MEF2A: variants seen among roughly 807,000 people sequenced by gnomAD.
MEF2A encodes myocyte enhancer factor 2A, also known as myocyte-specific enhancer factor 2A.
A neutral mutation model predicts 55.8 loss-of-function variants in MEF2A; 28 were observed. The ratio of observed to expected loss-of-function variants is 0.50; its 90% CI spans 0.37 to 0.69. MEF2A has a LOEUF of 0.69. MEF2A is among the 30% of genes least tolerant of loss of function. MEF2A has a pLI of 0.00. For missense variants in MEF2A, 528 were observed against 626.2 expected (o/e 0.84, Z 1.67); for synonymous variants, 239 against 227.1 (o/e 1.05, Z -0.47).
At position 99,712,313 on chromosome 15, in the gene MEF2A, C is replaced by T. The variant is rs987339512; in HGVS notation, c.1137-77C>T. On this transcript the variant is annotated intron_variant, in intron 11 of 11. Transcript: ENST00000557942. The surrounding 1 kb of genome is among the most constrained non-coding windows in gnomAD (Gnocchi z 4.1). ...AGACTCTGGGCCCTTTTCCATCAGG[C>T]AGTGTCTCTACTGTATCATCCCAGT... 4.1e-6 allele frequency: 6 copies of T among 1,446,484 alleles called. No individual in the cohort carries two copies. Among genetic ancestry groups the T allele is most frequent in the Admixed American group, 2.7e-5 (1 of 36,918 alleles). 89.6% of individuals were successfully genotyped at this position (1,446,484 alleles called of 1,614,324 possible).
chr15:99,687,084 C>CTTTTTTTTTTTT (rs71149484), intron 7 of MEF2A, among the ~76,000 whole-genome samples: 72 of 67,764 alleles, frequency 1.1e-3, no homozygotes, highest in African/African-American at 2.7e-3. Context: ...ATTAATTTTT[C>CTTTTTTTTTTTT]TTTTTTTTTT....
At chr15:99,618,239 T>G (rs12912791) in intron 2 of MEF2A, among the ~76,000 whole-genome samples, 2 of 152,154 alleles carry the variant, frequency 1.3e-5, no homozygotes, top group East Asian at 3.9e-4. Context: ...GAATCACTTG[T>G]GTAGTATTTT....
intron 2 of MEF2A, among the ~76,000 whole-genome samples, chr15:99,613,111 GTGTAA>G (rs1205558971): frequency 6.6e-6 from 1 of 152,178 alleles, no homozygotes; most frequent in Non-Finnish European, 1.5e-5. Flanking sequence ...TGAATAAAGA[GTGTAA>G]TATTGTAATA....
In MEF2A at chr15:99,684,485, A is replaced by T. The variant is rs545150960; in HGVS notation, c.671-5756A>T. On this transcript the variant is annotated intron_variant, in intron 7 of 11. Coordinates refer to ENST00000557942, the MANE Select transcript of MEF2A (RefSeq NM_001319206.4). ...ATTAGTGATGTTGAGCATTTTTCGT[A>T]TGTCTTTTGGCAATTTGTGTATCTG... 3.2e-3 allele frequency among the ~76,000 whole-genome samples: 493 copies of T among 152,222 alleles called. 1 individual carries two copies. The highest frequency in any genetic ancestry group is 4.5e-3 in the Admixed American group (69 of 15,296).
chr15:99,643,748 C>T (rs1288553017), intron 3 of MEF2A, among the ~76,000 whole-genome samples: 3 of 151,892 alleles, frequency 2.0e-5, no homozygotes, highest in East Asian at 1.9e-4. Context: ...CCCACCACCA[C>T]GCCCGGCTAA....
intron 4 of MEF2A, among the ~76,000 whole-genome samples, chr15:99,655,865 A>C (rs374944693): frequency 2.0e-5 from 3 of 152,250 alleles, no homozygotes; most frequent in African/African-American, 7.2e-5. Context: ...GTGTGTTATA[A>C]AACAGTTAGG....
At chr15:99,579,131 G>T (rs1173550986) in intron 1 of MEF2A, among the ~76,000 whole-genome samples, 1 of 152,072 alleles carries the variant, frequency 6.6e-6, no homozygotes, top group Non-Finnish European at 1.5e-5. Flanking sequence ...TACTAATGTT[G>T]TATTTTTTCC....
At position 99,597,206 on chromosome 15, in the gene MEF2A, G is replaced by A. The variant is rs188815791; in HGVS notation, c.-224-1224G>A. Among the ~76,000 whole-genome samples, 435 of 152,282 alleles carry A rather than the reference G, an allele frequency of 2.9e-3. 1 individual carries two copies. Among genetic ancestry groups the A allele is most frequent in the African/African-American group, 0.01 (417 of 41,570 alleles). On this transcript the variant is annotated intron_variant, in intron 1 of 11. Transcript: ENST00000557942. Reference sequence around the variant, plus strand: ...TTTCTCTTCTTTCAAAAGCAAATGGGAGAAATATCGCTGAATTCTTTTTCT... The same window carrying A: ...TTTCTCTTCTTTCAAAAGCAAATGGAAGAAATATCGCTGAATTCTTTTTCT...
chr15:99,603,050 T>G (rs1297799308), intron 2 of MEF2A, among the ~76,000 whole-genome samples: 2 of 152,174 alleles, frequency 1.3e-5, no homozygotes, highest in Non-Finnish European at 2.9e-5. Flanking sequence ...TATTCCCTCT[T>G]TCGTTGCTGA....
chr15:99,639,128 T>C (rs1337252089), intron 3 of MEF2A, among the ~76,000 whole-genome samples: 1 of 152,194 alleles, frequency 6.6e-6, no homozygotes, highest in Non-Finnish European at 1.5e-5. Context: ...CAAGGTTTGC[T>C]ATATTCATTA....
chr15:99,641,876 T>C (rs536989703), intron 3 of MEF2A, among the ~76,000 whole-genome samples: 2 of 152,342 alleles, frequency 1.3e-5, no homozygotes, highest in South Asian at 2.1e-4. Flanking sequence ...CAAATTTGTT[T>C]AGCACCGCCT....
intron 7 of MEF2A, among the ~76,000 whole-genome samples, chr15:99,687,063 C>T (rs36110737): frequency 0.029 from 4,286 of 149,638 alleles, 88 homozygotes; most frequent in Non-Finnish European, 0.043. Context: ...AGGTGCACAC[C>T]ACCATGTCCT....
intron 4 of MEF2A, among the ~76,000 whole-genome samples, chr15:99,655,893 T>C (rs1337733952): frequency 6.6e-6 from 1 of 152,150 alleles, no homozygotes; most frequent in Non-Finnish European, 1.5e-5. Context: ...GATCTGGCTC[T>C]CTCTTTCATT....
At chr15:99,659,410 TA>T (rs1233058694) in intron 4 of MEF2A, among the ~76,000 whole-genome samples, 3 of 152,192 alleles carry the variant, frequency 2.0e-5, no homozygotes, top group Admixed American at 1.3e-4. Flanking sequence ...CTGAGGAAGA[TA>T]GGGGTGATAA....
At chr15:99,703,302 T>C in intron 8 of MEF2A, 60 bp from the exon 9 acceptor site, 2 of 1,555,048 alleles carry the variant, frequency 1.3e-6, no homozygotes, top group South Asian at 1.1e-5. Context: ...AAGAAATATT[T>C]TGTTTGTGAG....
intron 4 of MEF2A, among the ~76,000 whole-genome samples, chr15:99,662,867 G>C (rs2048901837): frequency 6.6e-6 from 1 of 152,200 alleles, no homozygotes; most frequent in African/African-American, 2.4e-5. Flanking sequence ...AGCATGTACT[G>C]CTCAGCTGTG....
chr15:99,602,456 G>T (rs1567202365), intron 2 of MEF2A, among the ~76,000 whole-genome samples: 1 of 152,034 alleles, frequency 6.6e-6, no homozygotes, highest in African/African-American at 2.4e-5. Context: ...CTACCATTTT[G>T]CCTCTTAATG....
At position 99,697,459 on chromosome 15, in the gene MEF2A, T is replaced by TA. The variant is rs567564527; in HGVS notation, c.859-5903_859-5902insA. Among the ~76,000 whole-genome samples, 383 of 141,854 alleles carry TA rather than the reference T, an allele frequency of 2.7e-3. 5 individuals are homozygous for TA. The South Asian group carries it at 0.037, about 14-fold the overall frequency. 93.1% of individuals were successfully genotyped at this position (141,854 alleles called of 152,430 possible). On this transcript the variant is annotated intron_variant, in intron 8 of 11. Coordinates refer to ENST00000557942, the MANE Select transcript of MEF2A (RefSeq NM_001319206.4). ...GCAGTGAACAATTGGAGTTTGAAAT[T>TA]TAAAAAAAAAAATGATAACACCCCA...
At chr15:99,567,639 G>C (rs1217017390) in intron 1 of MEF2A, among the ~76,000 whole-genome samples, 2 of 146,082 alleles carry the variant, frequency 1.4e-5, no homozygotes, top group Non-Finnish European at 3.1e-5. Flanking sequence ...GTGTGTGTGT[G>C]TGTGTGTGTG....
Sources: allele counts gnomAD v4.1 joint callset (sites outside exome capture counted in the v4.1 genomes callset), GRCh38; gene constraint gnomAD v4.1.1; non-coding constraint Gnocchi (gnomAD v3.1); transcripts MANE v1.5; gene names NCBI Gene and HGNC (gene_info 2026-07-23, HGNC 2026-07-21).